SLC10A7: variants seen among roughly 807,000 people sequenced by gnomAD.
SLC10A7 encodes sodium/bile acid cotransporter 7.
In SLC10A7, 29 loss-of-function variants were observed where a neutral mutation model predicts 43.2. The observed-to-expected ratio is 0.67, with a 90% CI of 0.50 to 0.92. The LOEUF (loss-of-function observed/expected upper bound fraction) is 0.92, where lower values mean the gene tolerates loss of function less well. Ranked by LOEUF, SLC10A7 falls within the 40% of genes least tolerant of loss-of-function variation. The probability of loss-of-function intolerance (pLI) is 0.00; values close to 1 mark genes in which losing one functional copy is unlikely to be tolerated. For missense variants in SLC10A7, 295 were observed against 403.2 expected (o/e 0.73, Z 2.30); for synonymous variants, 152 against 144.8 (o/e 1.05, Z -0.35).
At chr4:146,360,413 C>T (rs1334016110) in intron 5 of SLC10A7, among the ~76,000 whole-genome samples, 1 of 151,946 alleles carries the variant, frequency 6.6e-6, no homozygotes, top group Non-Finnish European at 1.5e-5. Context: ...GAGAAGAAGG[C>T]ACTATATTCC....
At chr4:146,407,455 T>G (rs1256072618) in intron 5 of SLC10A7, among the ~76,000 whole-genome samples, 1 of 152,210 alleles carries the variant, frequency 6.6e-6, no homozygotes, top group Non-Finnish European at 1.5e-5. Flanking sequence ...TTATCAAGCA[T>G]AGGCATTATG....
At chr4:146,305,780 T>C (rs1390068738) in intron 7 of SLC10A7, 146 bp downstream of exon 7, 1 of 687,940 alleles carries the variant, frequency 1.5e-6, no homozygotes, top group Admixed American at 3.5e-5. Context: ...ATGAGAATAC[T>C]GTGATTGATG....
At chr4:146,260,381 G>A (rs566107491) in intron 10 of SLC10A7, among the ~76,000 whole-genome samples, 29 of 152,282 alleles carry the variant, frequency 1.9e-4, no homozygotes, top group African/African-American at 5.3e-4. Flanking sequence ...TGGAGTAAAT[G>A]TGAGGCTAAA....
intron 5 of SLC10A7, among the ~76,000 whole-genome samples, 165 bp from the exon 6 acceptor site, chr4:146,326,161 T>C (rs535881454): frequency 1.3e-5 from 2 of 152,316 alleles, no homozygotes; most frequent in Admixed American, 6.5e-5. Context: ...TTCTCTTCCA[T>C]AATAACATCT....
At position 146,283,281 on chromosome 4, in the gene SLC10A7, G is replaced by A. The variant is rs754514877; in HGVS notation, c.774-16C>T. Reference sequence around the variant, plus strand: ...CGAATTATTCCTAGGGGCAAAAAAAGATTTTGACAAATACTTTTATAAAAA... The same window carrying A: ...CGAATTATTCCTAGGGGCAAAAAAAAATTTTGACAAATACTTTTATAAAAA... On this transcript the variant is annotated splice_polypyrimidine_tract_variant and intron_variant, in intron 9 of 11. Transcript: ENST00000335472. The A allele has an allele frequency of 5.6e-6, 9 of 1,608,898 alleles. No individual in the cohort carries two copies. The highest frequency in any genetic ancestry group is 7.7e-6 in the Non-Finnish European group (9 of 1,176,064).
chr4:146,462,926 C>G (rs1462658442), intron 4 of SLC10A7, among the ~76,000 whole-genome samples: 2 of 152,100 alleles, frequency 1.3e-5, no homozygotes, highest in Non-Finnish European at 2.9e-5. Context: ...CCCAAACATT[C>G]TTATGTAAGT....
At chr4:146,331,820 T>A (rs563035380) in intron 5 of SLC10A7, among the ~76,000 whole-genome samples, 4 of 152,296 alleles carry the variant, frequency 2.6e-5, no homozygotes, top group South Asian at 2.1e-4. Flanking sequence ...AAGTCTATTC[T>A]TCAAGAATAA....
intron 5 of SLC10A7, among the ~76,000 whole-genome samples, chr4:146,375,637 C>T (rs1283918391): frequency 6.6e-6 from 1 of 152,056 alleles, no homozygotes; most frequent in African/African-American, 2.4e-5. Flanking sequence ...CTATTTATTT[C>T]GTTCATTTTT....
intron 11 of SLC10A7, chr4:146,256,892 T>C (rs914650532): frequency 3.3e-6 from 5 of 1,536,416 alleles, no homozygotes; most frequent in Non-Finnish European, 4.4e-6. Context: ...CCAAGCCTTC[T>C]GGATTATTCA....
intron 4 of SLC10A7, among the ~76,000 whole-genome samples, chr4:146,465,957 A>G (rs556254291): frequency 6.6e-6 from 1 of 152,250 alleles, no homozygotes; most frequent in African/African-American, 2.4e-5. Context: ...TTTTTCTAAG[A>G]TGTTCTTTAA....
chr4:146,322,378 C>A (rs1406439038), intron 6 of SLC10A7, among the ~76,000 whole-genome samples: 1 of 135,844 alleles, frequency 7.4e-6, no homozygotes, highest in Non-Finnish European at 1.6e-5. Flanking sequence ...CCCTCCCCCA[C>A]CCCATAACAG....
intron 5 of SLC10A7, among the ~76,000 whole-genome samples, chr4:146,389,131 G>A (rs1392617369): frequency 6.6e-6 from 1 of 152,160 alleles, no homozygotes; most frequent in Admixed American, 6.5e-5. Flanking sequence ...AATGGACACA[G>A]AGTGGAACAA....
At chr4:146,402,491 C>T (rs529113818) in intron 5 of SLC10A7, among the ~76,000 whole-genome samples, 1 of 152,246 alleles carries the variant, frequency 6.6e-6, no homozygotes, top group African/African-American at 2.4e-5. Context: ...TGACCGCCTC[C>T]TGGGCCCAAC....
chr4:146,479,541 A>C (rs1042186217), intron 4 of SLC10A7, among the ~76,000 whole-genome samples: 1 of 152,204 alleles, frequency 6.6e-6, no homozygotes, highest in Non-Finnish European at 1.5e-5. Context: ...GTATGATTCT[A>C]TTTATATGAG....
intron 6 of SLC10A7, among the ~76,000 whole-genome samples, chr4:146,323,277 T>G (rs1378617773): frequency 6.6e-6 from 1 of 152,226 alleles, no homozygotes; most frequent in Admixed American, 6.5e-5. Context: ...CTTTTGGTGT[T>G]TTAGACATGA....
intron 2 of SLC10A7, among the ~76,000 whole-genome samples, chr4:146,511,109 G>A (rs777663989): frequency 6.6e-5 from 10 of 152,068 alleles, no homozygotes; most frequent in Non-Finnish European, 1.3e-4. Context: ...TAAATTTTCC[G>A]GCATGCTAGC....
At chr4:146,417,545 C>G (rs1728661916) in intron 5 of SLC10A7, among the ~76,000 whole-genome samples, 1 of 152,154 alleles carries the variant, frequency 6.6e-6, no homozygotes, top group South Asian at 2.1e-4. Context: ...CATGTAAAAA[C>G]AACTTATTGT....
intron 4 of SLC10A7, among the ~76,000 whole-genome samples, chr4:146,452,713 CAT>C (rs1268081150): frequency 6.6e-6 from 1 of 151,908 alleles, no homozygotes; most frequent in East Asian, 1.9e-4. Context: ...GAAAAGTAAA[CAT>C]ATTCAGGATA....
intron 5 of SLC10A7, among the ~76,000 whole-genome samples, chr4:146,436,995 C>T (rs1730265855): frequency 6.6e-6 from 1 of 152,072 alleles, no homozygotes; most frequent in Non-Finnish European, 1.5e-5. Context: ...TGTCTGAATG[C>T]TGGAAAGCAC....
Sources: gnomAD v4.1 joint callset for allele counts (sites outside exome capture counted in the v4.1 genomes callset) on GRCh38, gnomAD v4.1.1 for gene constraint, MANE v1.5 for transcripts, NCBI Gene and HGNC (gene_info 2026-07-23, HGNC 2026-07-21) for gene names.